Variants in SKAP1 observed in about 807,000 individuals in gnomAD.
SKAP1 encodes src kinase-associated phosphoprotein 1.
Under a neutral mutation model 58.5 loss-of-function variants are expected in SKAP1, and 44 were observed. The observed-to-expected ratio is 0.75, with a 90% CI of 0.59 to 0.97. SKAP1 has a LOEUF of 0.97. Ranked by LOEUF, SKAP1 falls within the 50% of genes least tolerant of loss-of-function variation. The pLI, the probability that SKAP1 is intolerant of heterozygous loss-of-function variation, is 0.00. For missense variants in SKAP1, 390 were observed against 435.2 expected (o/e 0.90, Z 0.92); for synonymous variants, 127 against 149.7 (o/e 0.85, Z 1.11).
intron 4 of SKAP1, among the ~76,000 whole-genome samples, chr17:48,267,090 A>G (rs531164465): frequency 6.6e-6 from 1 of 152,160 alleles, no homozygotes; most frequent in South Asian, 2.1e-4. Flanking sequence ...ATTTTCCTCA[A>G]ATTTGTTTTC....
At chr17:48,194,679 G>A (rs972438904) in intron 4 of SKAP1, among the ~76,000 whole-genome samples, 2 of 152,174 alleles carry the variant, frequency 1.3e-5, no homozygotes, top group African/African-American at 4.8e-5. Context: ...CATCCTGAAA[G>A]GAAAATAAAT....
intron 3 of SKAP1, among the ~76,000 whole-genome samples, chr17:48,347,044 T>C (rs2066732171): frequency 6.6e-6 from 1 of 152,210 alleles, no homozygotes. Flanking sequence ...CATTGGATTG[T>C]ATTCTGTAGA....
chr17:48,184,883 G>C (rs2064425084), intron 6 of SKAP1, 36 bp from the exon 7 acceptor site: 1 of 1,592,350 alleles, frequency 6.3e-7, no homozygotes, highest in African/African-American at 1.4e-5. Flanking sequence ...TCCCTAGAGA[G>C]ATGCAACTGC....
At chr17:48,174,927 A>C (rs1598396521) in intron 9 of SKAP1, among the ~76,000 whole-genome samples, 1 of 152,204 alleles carries the variant, frequency 6.6e-6, no homozygotes, top group East Asian at 1.9e-4. Flanking sequence ...ATCTCATCTC[A>C]ATTGGGAAAA....
At chr17:48,199,448 T>A (rs575455810) in intron 4 of SKAP1, among the ~76,000 whole-genome samples, 2 of 152,342 alleles carry the variant, frequency 1.3e-5, no homozygotes, top group East Asian at 3.9e-4. Flanking sequence ...ATTCTGTTTT[T>A]CCTGTTTGGA....
intron 2 of SKAP1, among the ~76,000 whole-genome samples, chr17:48,369,193 T>C (rs368400511): frequency 1.4e-5 from 2 of 141,520 alleles, no homozygotes; most frequent in East Asian, 4.0e-4. Context: ...AATAAAGATG[T>C]TTTAACTGAA....
intron 2 of SKAP1, among the ~76,000 whole-genome samples, chr17:48,378,511 T>C (rs746653741): frequency 3.3e-5 from 5 of 152,132 alleles, no homozygotes; most frequent in African/African-American, 4.8e-5. Flanking sequence ...CTTGGTCCTA[T>C]CATTCTCCTG....
chr17:48,381,611 C>A (rs1401147295), intron 2 of SKAP1, among the ~76,000 whole-genome samples: 1 of 152,172 alleles, frequency 6.6e-6, no homozygotes, highest in African/African-American at 2.4e-5. Context: ...TCTTCTAAAA[C>A]CTTGCCACAA....
intron 4 of SKAP1, among the ~76,000 whole-genome samples, chr17:48,198,361 A>G (rs978748589): frequency 5.4e-5 from 8 of 148,352 alleles, no homozygotes; most frequent in Admixed American, 4.1e-4. Flanking sequence ...AGGCTGAGGC[A>G]GGAGAATGGC....
chr17:48,309,567 A>G (rs2066194382), intron 4 of SKAP1, among the ~76,000 whole-genome samples: 1 of 150,408 alleles, frequency 6.6e-6, no homozygotes, highest in African/African-American at 2.4e-5. Context: ...CTCTATGCAC[A>G]GATATAAATA....
chr17:48,273,831 C>A (rs2065665201), intron 4 of SKAP1, among the ~76,000 whole-genome samples: 1 of 152,168 alleles, frequency 6.6e-6, no homozygotes, highest in African/African-American at 2.4e-5. Context: ...AATGCAGATT[C>A]AGGGGCCCCT....
At chr17:48,409,491 C>T (rs1436294124) in intron 1 of SKAP1, among the ~76,000 whole-genome samples, 1 of 151,976 alleles carries the variant, frequency 6.6e-6, no homozygotes, top group African/African-American at 2.4e-5. Context: ...ATGGTGAAAC[C>T]CTGTCTCTAC....
intron 4 of SKAP1, among the ~76,000 whole-genome samples, chr17:48,301,953 T>TA (rs2066063682): frequency 6.6e-6 from 1 of 152,204 alleles, no homozygotes; most frequent in South Asian, 2.1e-4. Flanking sequence ...ACAAAATTTT[T>TA]AAAAAATTAT....
At chr17:48,224,201 T>C (rs2065042695) in intron 4 of SKAP1, among the ~76,000 whole-genome samples, 1 of 152,220 alleles carries the variant, frequency 6.6e-6, no homozygotes, top group African/African-American at 2.4e-5. Flanking sequence ...ACTTGACTGA[T>C]GCCTGGAGCT....
intron 4 of SKAP1, among the ~76,000 whole-genome samples, chr17:48,278,791 T>C (rs2065732469): frequency 6.6e-6 from 1 of 151,810 alleles, no homozygotes; most frequent in South Asian, 2.1e-4. Flanking sequence ...GAAGAAAAGG[T>C]ACAGATTTTA....
At chr17:48,410,090 G>A (rs2067643181) in intron 1 of SKAP1, among the ~76,000 whole-genome samples, 1 of 152,184 alleles carries the variant, frequency 6.6e-6, no homozygotes, top group Non-Finnish European at 1.5e-5. Flanking sequence ...AAAGTTGTTT[G>A]CCATGGGTGT....
intron 4 of SKAP1, among the ~76,000 whole-genome samples, chr17:48,333,791 T>C (rs2144277365): frequency 6.6e-6 from 1 of 152,196 alleles, no homozygotes; most frequent in East Asian, 1.9e-4. Flanking sequence ...GGAATTTTAA[T>C]GAATCCAAAT....
At chr17:48,272,944 C>T (rs1171898569) in intron 4 of SKAP1, among the ~76,000 whole-genome samples, 1 of 152,158 alleles carries the variant, frequency 6.6e-6, no homozygotes, top group East Asian at 1.9e-4. Context: ...ACTTCTGCAG[C>T]ACTAAAATAT....
At chr17:48,200,603 C>T (rs1268839869) in intron 4 of SKAP1, among the ~76,000 whole-genome samples, 5 of 152,098 alleles carry the variant, frequency 3.3e-5, no homozygotes, top group African/African-American at 1.2e-4. Flanking sequence ...TTCTTGAACT[C>T]CTGACCTCTG....
Sources: gnomAD v4.1 joint callset for allele counts (sites outside exome capture counted in the v4.1 genomes callset) on GRCh38, gnomAD v4.1.1 for gene constraint, MANE v1.5 for transcripts, NCBI Gene and HGNC (gene_info 2026-07-23, HGNC 2026-07-21) for gene names.